Variants in CRACR2A observed in about 807,000 individuals in gnomAD.
The protein encoded by CRACR2A is EF-hand calcium-binding domain-containing protein 4B.
In CRACR2A, 79 loss-of-function variants were observed where a neutral mutation model predicts 90.5. That is an observed-to-expected ratio of 0.87 (90% confidence interval 0.73 to 1.05). CRACR2A has a LOEUF of 1.05. Ranked by LOEUF, CRACR2A falls within the 50% of genes least tolerant of loss-of-function variation. The pLI is 0.00. For synonymous variants in CRACR2A, 338 were observed against 356.7 expected (o/e 0.95, Z 0.59); for missense variants, 823 against 897.2 (o/e 0.92, Z 1.06).
chr12:3,745,528 C>T (rs1055166020), intron 1 of CRACR2A, among the ~76,000 whole-genome samples: 4 of 151,912 alleles, frequency 2.6e-5, no homozygotes, highest in African/African-American at 9.7e-5. Context: ...AATCTCAGCA[C>T]TTTGGGAGGC....
chr12:3,679,072 G>T lies in CRACR2A; in HGVS notation c.367C>A (p.Pro123Thr), dbSNP rs1363026446. 2 of 1,613,076 alleles carry T rather than the reference G, an allele frequency of 1.2e-6. No homozygotes were observed. Among genetic ancestry groups the T allele is most frequent in the South Asian group, 1.1e-5 (1 of 90,844 alleles). The change falls in exon 6 of 20, where the codon CCA becomes ACA. Residue 123 changes from proline to threonine, a missense_variant. Physicochemically the swap from Pro to Thr is conservative, Grantham distance 38. Coordinates refer to ENST00000440314, the MANE Select transcript of CRACR2A (RefSeq NM_001144958.2). The part of the protein sequence containing the change: ...FSHFFFSQNN[P>T]SQEDAGEQVA... ...TGTTCACCTGCATCTTCCTGACTTGGGTTATTCTGGCTGAAGAAGAAGTGA... is the reference window on the plus strand; with the variant it reads ...TGTTCACCTGCATCTTCCTGACTTGTGTTATTCTGGCTGAAGAAGAAGTGA...
In CRACR2A at chr12:3,746,703, C is replaced by T. The variant is rs137974580; in HGVS notation, c.-387+6312G>A. Among the ~76,000 whole-genome samples the T allele has an allele frequency of 2.0e-3, 311 of 152,386 alleles. No homozygotes were observed. Among genetic ancestry groups the T allele is most frequent in the African/African-American group, 7.0e-3 (291 of 41,596 alleles). ...CCCCCTGCAGGACCCTTTGCTGGCA[C>T]AGCAGGGACTTAGCATGCATGGAAG... On this transcript the variant is annotated intron_variant, in intron 1 of 19. Coordinates refer to ENST00000440314, the MANE Select transcript of CRACR2A (RefSeq NM_001144958.2). The surrounding 1 kb of genome is among the most constrained non-coding windows in gnomAD (Gnocchi z 4.4).
At chr12:3,681,034 T>C (rs964888328) in intron 4 of CRACR2A, among the ~76,000 whole-genome samples, 1 of 152,174 alleles carries the variant, frequency 6.6e-6, no homozygotes, top group African/African-American at 2.4e-5. Flanking sequence ...AAGCCCCCTT[T>C]CCTCTCCCGT....
intron 2 of CRACR2A, chr12:3,730,073 A>G (rs1486031090): frequency 6.6e-6 from 1 of 152,174 alleles, no homozygotes; most frequent in East Asian, 1.9e-4. Flanking sequence ...AGGGGCTGCA[A>G]TCTCAAGCAT....
intron 10 of CRACR2A, among the ~76,000 whole-genome samples, chr12:3,650,866 ACTGTT>A (rs1284382040): frequency 6.6e-6 from 1 of 152,238 alleles, no homozygotes; most frequent in Non-Finnish European, 1.5e-5. Flanking sequence ...GAATACAGGT[ACTGTT>A]CTATTTGTCT....
At position 3,696,860 on chromosome 12, in the gene CRACR2A, C is replaced by T. The variant is rs201442749; in HGVS notation, c.140G>A (p.Gly47Asp). ...TGCCTTCCTCAGCATGACTAGCTGGCCCGACGTTTGCTCCTGAGTCTCCTT... is the reference window on the plus strand; with the variant it reads ...TGCCTTCCTCAGCATGACTAGCTGGTCCGACGTTTGCTCCTGAGTCTCCTT... ...EQKETQEQTSGQLVMLRKAQE... is the reference protein window; with the variant it reads ...EQKETQEQTSDQLVMLRKAQE... The change falls in exon 4 of 20, where the codon GGC becomes GAC. Residue 47 changes from glycine (G) to aspartate (D), a missense_variant. By Grantham distance (94) the Gly-to-Asp change is moderately conservative. Transcript: ENST00000440314. 51 of 1,614,088 alleles carry T rather than the reference C, an allele frequency of 3.2e-5. No individual in the cohort carries two copies. The highest frequency in any genetic ancestry group is 3.8e-5 in the Non-Finnish European group (45 of 1,180,054).
intron 1 of CRACR2A, among the ~76,000 whole-genome samples, chr12:3,747,961 C>T (rs969334453): frequency 6.7e-6 from 1 of 150,178 alleles, no homozygotes; most frequent in Non-Finnish European, 1.5e-5. Flanking sequence ...CTCAGGGGTG[C>T]ACCCAGAAGG....
intron 2 of CRACR2A, among the ~76,000 whole-genome samples, chr12:3,713,623 T>C (rs1229342403): frequency 6.6e-6 from 1 of 152,182 alleles, no homozygotes; most frequent in Non-Finnish European, 1.5e-5. Flanking sequence ...ACTGCCCCCC[T>C]GCCCCCAGCA....
intron 4 of CRACR2A, among the ~76,000 whole-genome samples, chr12:3,693,934 G>A (rs1278449995): frequency 3.3e-5 from 5 of 152,106 alleles, no homozygotes; most frequent in African/African-American, 1.2e-4. Flanking sequence ...CTGCCAAATC[G>A]AGTGTCCATG....
chr12:3,666,557 T>C (rs575054200), intron 7 of CRACR2A, among the ~76,000 whole-genome samples: 1 of 152,314 alleles, frequency 6.6e-6, no homozygotes, highest in Non-Finnish European at 1.5e-5. Flanking sequence ...CAAGGTGAGA[T>C]GTAGTTAGCG....
At chr12:3,643,862 T>A (rs3047094) in intron 12 of CRACR2A, among the ~76,000 whole-genome samples, 14,756 of 59,872 alleles carry the variant, frequency 0.25, 1,770 homozygotes, top group East Asian at 0.53. Context: ...ATATTTATAT[T>A]ATATATATTA....
At chr12:3,734,629 A>ATGTGTGTGTGTGTG (rs59680765) in intron 1 of CRACR2A, among the ~76,000 whole-genome samples, 1 of 149,502 alleles carries the variant, frequency 6.7e-6, no homozygotes, top group African/African-American at 2.5e-5. Context: ...AGGTGTGTGT[A>ATGTGTGTGTGTGTG]TGTGTGTGTG....
At position 3,698,601 on chromosome 12, in the gene CRACR2A, C is replaced by T. The variant is rs74055983; in HGVS notation, c.-36-1566G>A. ...CTCCGTGTGGCTGAACATGTAATTC[C>T]CACACTGACCCATCTGACCAGCCCC... On this transcript the variant is annotated intron_variant, in intron 3 of 19. Coordinates refer to ENST00000440314, the MANE Select transcript of CRACR2A (RefSeq NM_001144958.2). 7.7e-3 allele frequency among the ~76,000 whole-genome samples: 1,177 copies of T among 152,282 alleles called. 17 individuals are homozygous for T. The highest frequency in any genetic ancestry group is 0.026 in the African/African-American group (1,090 of 41,566).
intron 14 of CRACR2A, among the ~76,000 whole-genome samples, chr12:3,635,891 A>C (rs1322653186): frequency 6.6e-6 from 1 of 152,170 alleles, no homozygotes; most frequent in Non-Finnish European, 1.5e-5. Flanking sequence ...ACTTTTCTTT[A>C]TATCATCTTT....
intron 7 of CRACR2A, among the ~76,000 whole-genome samples, chr12:3,668,905 G>A (rs960468702): frequency 1.3e-5 from 2 of 152,202 alleles, no homozygotes; most frequent in Non-Finnish European, 2.9e-5. Flanking sequence ...GTGCAGATAA[G>A]GAGCTGATTC....
rs149189546 is a variant in CRACR2A at position 3,618,330 on chromosome 12, T to C, written c.2034+941A>G. On this transcript the variant is annotated intron_variant, in intron 18 of 19. Coordinates refer to ENST00000440314, the MANE Select transcript of CRACR2A (RefSeq NM_001144958.2). ...TCAGACAGCACTCTATAATCAAATA[T>C]ATTACTATTTCTTCAGTGAAACCTT... Among the ~76,000 whole-genome samples the C allele has an allele frequency of 3.3e-3, 498 of 152,316 alleles. 3 individuals are homozygous for C. The highest frequency in any genetic ancestry group is 0.011 in the African/African-American group (468 of 41,558).
chr12:3,721,749 C>A (rs1946181113), intron 2 of CRACR2A, among the ~76,000 whole-genome samples: 1 of 152,140 alleles, frequency 6.6e-6, no homozygotes, highest in South Asian at 2.1e-4. Context: ...AAATGTACCA[C>A]AATATCAATG....
At position 3,696,883 on chromosome 12, in the gene CRACR2A, C is replaced by A. The variant is rs1409103849; in HGVS notation, c.117G>T (p.Lys39Asn). The A allele has an allele frequency of 1.2e-6, 2 of 1,614,248 alleles. No individual in the cohort carries two copies. The highest frequency in any genetic ancestry group is 3.3e-5 in the Admixed American group (2 of 60,028). The change falls in exon 4 of 20, where the codon AAG (lysine) becomes AAT (asparagine). Residue 39 changes from lysine to asparagine, a missense_variant. By Grantham distance (94) the Lys-to-Asn change is moderately conservative. Coordinates refer to ENST00000440314, the MANE Select transcript of CRACR2A (RefSeq NM_001144958.2). ...CLHPLDSLEQ[K>N]ETQEQTSGQL... ...GGCCCGACGTTTGCTCCTGAGTCTC[C>A]TTCTGCTCCAGGCTGTCCAGGGGAT...
intron 4 of CRACR2A, among the ~76,000 whole-genome samples, chr12:3,681,565 T>TAATC (rs1945452581): frequency 2.0e-5 from 3 of 152,206 alleles, no homozygotes; most frequent in Admixed American, 2.0e-4. Context: ...GGTCTCCAAA[T>TAATC]GAGAACTCCC....
Sources: allele counts gnomAD v4.1 joint callset (sites outside exome capture counted in the v4.1 genomes callset), GRCh38; gene constraint gnomAD v4.1.1; non-coding constraint Gnocchi (gnomAD v3.1); transcripts MANE v1.5; gene names NCBI Gene and HGNC (gene_info 2026-07-23, HGNC 2026-07-21).